CCDC141: variants seen among roughly 807,000 people sequenced by gnomAD.
CCDC141 encodes the protein coiled-coil domain containing 141.
A neutral mutation model predicts 181.0 loss-of-function variants in CCDC141; 168 were observed. The ratio of observed to expected loss-of-function variants is 0.93; its 90% CI spans 0.82 to 1.05. The LOEUF (loss-of-function observed/expected upper bound fraction) is 1.05. Among genes scored for constraint, CCDC141 ranks in the 50% least tolerant of loss-of-function variants. The pLI is 0.00. For missense variants in CCDC141, 1,902 were observed against 1,788.5 expected, an observed-to-expected ratio of 1.06 and a Z score of -1.14; for synonymous variants, 666 against 642.3, an observed-to-expected ratio of 1.04 and a Z score of -0.56.
chr2:179,015,655 C>CATATCTCAT (rs2042496543), intron 2 of CCDC141, among the ~76,000 whole-genome samples: 1 of 116,428 alleles, frequency 8.6e-6, no homozygotes. Context: ...ATATCTCATA[C>CATATCTCAT]ATATATCTCA....
At chr2:179,000,885 A>G (rs2041950551) in intron 2 of CCDC141, among the ~76,000 whole-genome samples, 2 of 152,224 alleles carry the variant, frequency 1.3e-5, no homozygotes, top group Non-Finnish European at 2.9e-5. Context: ...ATAATAGATT[A>G]AAATTGTTTA....
chr2:178,886,904 T>C (rs1475935503), intron 9 of CCDC141, 33 bp from the exon 10 acceptor site: 3 of 1,296,950 alleles, frequency 2.3e-6, no homozygotes, highest in Non-Finnish European at 3.0e-6. Context: ...GCAGTCTTAG[T>C]AATATATTTT....
intron 20 of CCDC141, 29 bp from the exon 21 acceptor site, chr2:178,850,190 T>C: frequency 8.1e-7 from 1 of 1,234,958 alleles, no homozygotes; most frequent in Non-Finnish European, 1.2e-6. Context: ...AAACTAGTTT[T>C]AAAGGTCAAA....
chr2:178,837,288 C>A lies in CCDC141; in HGVS notation c.3931G>T (p.Ala1311Ser). ...TGTTCAGCACTGATTCTGTGTAAGG[C>A]AGTACTCTTTTCCACGAATCCTCTG... ...TSRGFVEKST[A>S]LHRISAEHPE... The change falls in exon 23 of 24, where the codon GCC (alanine) becomes TCC (serine). Residue 1311 changes from alanine (A) to serine (S), a missense_variant. Coordinates refer to ENST00000443758, the MANE Select transcript of CCDC141 (RefSeq NM_173648.4). 1.2e-6 allele frequency: 2 copies of A among 1,614,130 alleles called. No homozygotes were observed. Among genetic ancestry groups the A allele is most frequent in the Non-Finnish European group, 1.7e-6 (2 of 1,179,992 alleles).
intron 4 of CCDC141, among the ~76,000 whole-genome samples, chr2:178,963,755 T>C (rs1320863447): frequency 6.6e-6 from 1 of 152,154 alleles, no homozygotes; most frequent in Non-Finnish European, 1.5e-5. Flanking sequence ...AAGTAGTTTA[T>C]TCCACATGAC....
chr2:179,033,871 C>T (rs1033866463), intron 2 of CCDC141, among the ~76,000 whole-genome samples: 7 of 152,132 alleles, frequency 4.6e-5, no homozygotes, highest in African/African-American at 1.7e-4. Context: ...TAACATAAAG[C>T]CCAACCAACA....
chr2:179,042,474 A>G (rs1272231605), intron 2 of CCDC141, among the ~76,000 whole-genome samples: 1 of 151,988 alleles, frequency 6.6e-6, no homozygotes, highest in Non-Finnish European at 1.5e-5. Flanking sequence ...CAGCTTCCCA[A>G]GTAGCTGGGA....
chr2:178,894,888 C>A (rs1687334150), intron 8 of CCDC141, among the ~76,000 whole-genome samples: 1 of 152,086 alleles, frequency 6.6e-6, no homozygotes, highest in African/African-American at 2.4e-5. Flanking sequence ...CGACATAATA[C>A]TGAGATTAAA....
chr2:178,978,374 G>T, intron 3 of CCDC141, 110 bp downstream of exon 3: 1 of 649,286 alleles, frequency 1.5e-6, no homozygotes, highest in Non-Finnish European at 2.3e-6. Context: ...TGGTTATTCT[G>T]CCATTTTTTT....
the CCDC141 span, among the ~76,000 whole-genome samples, chr2:178,817,952 G>A: frequency 7.5e-4 from 114 of 152,024 alleles, 1 homozygote; most frequent in East Asian, 0.017. Flanking sequence ...ACAGGCATCC[G>A]CCACCATGCC....
chr2:178,850,561 C>T lies in CCDC141; in HGVS notation c.3245-400G>A, dbSNP rs559698044. 4.4e-5 allele frequency among the ~76,000 whole-genome samples: 4 copies of T among 90,680 alleles called. No individual in the cohort carries two copies. The South Asian group carries it at 1.1e-3, about 24-fold the overall frequency. The allele number at this position is 90,680 out of a possible 152,430, so 59.5% of individuals were successfully genotyped here. A position where few individuals can be genotyped will look rare whatever the true frequency, so the allele number is the denominator to read the frequency against. ...CTCCCAAATGTATGTCACTCTAGTTCTCTCCTGTATTTTATCTCCAGCCAA... is the reference window on the plus strand; with the variant it reads ...CTCCCAAATGTATGTCACTCTAGTTTTCTCCTGTATTTTATCTCCAGCCAA... On this transcript the variant is annotated intron_variant, in intron 20 of 23. Coordinates refer to ENST00000443758, the MANE Select transcript of CCDC141 (RefSeq NM_173648.4).
At chr2:178,933,268 T>C (rs1410314022) in intron 6 of CCDC141, among the ~76,000 whole-genome samples, 2 of 152,184 alleles carry the variant, frequency 1.3e-5, no homozygotes, top group African/African-American at 4.8e-5. Context: ...ACAATATATG[T>C]CATAATATAA....
intron 2 of CCDC141, among the ~76,000 whole-genome samples, chr2:178,989,617 T>G (rs1377943547): frequency 6.9e-6 from 1 of 144,672 alleles, no homozygotes; most frequent in East Asian, 2.1e-4. Flanking sequence ...AATAAATAAA[T>G]AAATAAATAA....
intron 22 of CCDC141, among the ~76,000 whole-genome samples, chr2:178,839,041 A>G (rs1011076428): frequency 6.6e-6 from 1 of 152,316 alleles, no homozygotes; most frequent in Middle Eastern, 3.4e-3. Context: ...GCATATAGGA[A>G]AGTCACATCT....
chr2:178,878,952 T>C (rs1686473419), intron 11 of CCDC141, among the ~76,000 whole-genome samples: 1 of 152,192 alleles, frequency 6.6e-6, no homozygotes, highest in Non-Finnish European at 1.5e-5. Context: ...TTACTTCTAA[T>C]CAGCAATAAA....
chr2:178,889,856 CA>C (rs1199502999), intron 8 of CCDC141, among the ~76,000 whole-genome samples: 1 of 152,132 alleles, frequency 6.6e-6, no homozygotes. Context: ...TACGTAGAGA[CA>C]GTGAAGAATA....
chr2:179,014,259 C>A lies in CCDC141; in HGVS notation c.225+33025G>T, dbSNP rs563329853. Among the ~76,000 whole-genome samples, 30 of 152,184 alleles carry A rather than the reference C, an allele frequency of 2.0e-4. 1 individual carries two copies. Among genetic ancestry groups the A allele is most frequent in the African/African-American group, 7.0e-4 (29 of 41,546 alleles). On this transcript the variant is annotated intron_variant, in intron 2 of 23. Transcript: ENST00000443758. The stretch of plus-strand genomic sequence containing the variant: ...CTGGATCCTCATCTCTCACCTTATA[C>A]AAAAACCAACTCGAGATGGATTAAG...
intron 5 of CCDC141, among the ~76,000 whole-genome samples, chr2:178,945,736 C>G (rs999892995): frequency 6.6e-6 from 1 of 152,120 alleles, no homozygotes; most frequent in Non-Finnish European, 1.5e-5. Flanking sequence ...TTGCCTGAAG[C>G]AGTCTCAGGA....
intron 21 of CCDC141, among the ~76,000 whole-genome samples, chr2:178,846,405 C>T (rs1684942043): frequency 6.6e-6 from 1 of 152,114 alleles, no homozygotes; most frequent in African/African-American, 2.4e-5. Context: ...ATAGAACACA[C>T]CAGTTTAGAA....
Sources: gnomAD v4.1 joint callset for allele counts (sites outside exome capture counted in the v4.1 genomes callset) on GRCh38, gnomAD v4.1.1 for gene constraint, MANE v1.5 for transcripts, NCBI Gene and HGNC (gene_info 2026-07-23, HGNC 2026-07-21) for gene names.